FREM1: variants seen among roughly 807,000 people sequenced by gnomAD.
FREM1 encodes FRAS1-related extracellular matrix protein 1.
In FREM1, 220 loss-of-function variants were observed where a neutral mutation model predicts 210.1. The ratio of observed to expected loss-of-function variants is 1.05; its 90% CI spans 0.94 to 1.17. FREM1 has a LOEUF of 1.17. FREM1 is among the 50% of genes most tolerant of loss of function. FREM1 has a pLI of 0.00. For missense variants in FREM1, 3,454 were observed against 2,675.5 expected (o/e 1.29, Z -6.42); for synonymous variants, 1,189 against 980.2 (o/e 1.21, Z -3.98).
In FREM1 at chr9:14,812,865, T is replaced by A. The variant is rs751508744; in HGVS notation, c.2840A>T (p.Asp947Val). The A allele has an allele frequency of 1.2e-5, 20 of 1,613,686 alleles. No individual in the cohort carries two copies. Among genetic ancestry groups the A allele is most frequent in the Admixed American group, 1.7e-5 (1 of 59,978 alleles). ...GVVRRAGVTV[D>V]QFSQRDVISE... Reference sequence around the variant, plus strand: ...GATAACATCTCTCTGAGAGAACTGATCCACTGTGACTCCAGCTCTCCTCAC... The same window carrying A: ...GATAACATCTCTCTGAGAGAACTGAACCACTGTGACTCCAGCTCTCCTCAC... Residue 947 changes from aspartate (D) to valine (V), a missense_variant, in exon 16 of 37, where the codon GAT becomes GTT. By Grantham distance (152) the Asp-to-Val change is radical. Coordinates refer to ENST00000380880, the MANE Select transcript of FREM1 (RefSeq NM_001379081.2).
At chr9:14,897,508 T>A (rs952142430) in intron 1 of FREM1, among the ~76,000 whole-genome samples, 7 of 151,834 alleles carry the variant, frequency 4.6e-5, no homozygotes, top group African/African-American at 1.7e-4. Context: ...TAAAGCATAG[T>A]ATCATATACT....
chr9:14,815,032 T>G (rs1588140365), intron 15 of FREM1, among the ~76,000 whole-genome samples: 1 of 152,220 alleles, frequency 6.6e-6, no homozygotes, highest in East Asian at 1.9e-4. Context: ...CTGTCCTTTT[T>G]GAAGCTGCAA....
intron 3 of FREM1, among the ~76,000 whole-genome samples, chr9:14,862,995 G>C (rs1394235223): frequency 6.6e-6 from 1 of 152,066 alleles, no homozygotes; most frequent in Non-Finnish European, 1.5e-5. Flanking sequence ...ATGCGTAGGA[G>C]AAGAACTGCT....
intron 25 of FREM1, chr9:14,773,948 T>C: frequency 2.5e-6 from 1 of 395,736 alleles, no homozygotes; most frequent in Non-Finnish European, 4.9e-6. Flanking sequence ...CAACCTAGGT[T>C]AGGGGAGTTA....
At chr9:14,835,162 T>G (rs1266675100) in intron 10 of FREM1, among the ~76,000 whole-genome samples, 1 of 152,240 alleles carries the variant, frequency 6.6e-6, no homozygotes, top group Non-Finnish European at 1.5e-5. Flanking sequence ...AGCAAACTTT[T>G]TAACTTTCGC....
intron 29 of FREM1, 71 bp from the exon 30 acceptor site, chr9:14,750,347 T>G: frequency 8.2e-7 from 1 of 1,225,654 alleles, no homozygotes; most frequent in Non-Finnish European, 1.2e-6. Context: ...AGAAATATAT[T>G]AATTAACATG....
chr9:14,887,731 C>T (rs1375877285), intron 1 of FREM1, among the ~76,000 whole-genome samples: 1 of 152,138 alleles, frequency 6.6e-6, no homozygotes, highest in Non-Finnish European at 1.5e-5. Flanking sequence ...TATACAGAAG[C>T]ACTGGGCTAC....
chr9:14,811,083 G>C (rs1819311860), intron 16 of FREM1, among the ~76,000 whole-genome samples: 1 of 152,154 alleles, frequency 6.6e-6, no homozygotes, highest in African/African-American at 2.4e-5. Flanking sequence ...TCAGCCCAGG[G>C]CTGGGTAACT....
intron 8 of FREM1, among the ~76,000 whole-genome samples, chr9:14,845,639 T>C (rs1564062199): frequency 6.6e-6 from 1 of 152,036 alleles, no homozygotes; most frequent in Non-Finnish European, 1.5e-5. Context: ...AGCAGAGAAA[T>C]AAAAAACATT....
At chr9:14,825,556 T>TATAG (rs1822265149) in intron 10 of FREM1, among the ~76,000 whole-genome samples, 1 of 140,290 alleles carries the variant, frequency 7.1e-6, no homozygotes, top group Non-Finnish European at 1.5e-5. Context: ...TGTATATATA[T>TATAG]ATATATATAT....
At chr9:14,905,916 G>A (rs1355187812) in intron 1 of FREM1, among the ~76,000 whole-genome samples, 1 of 149,304 alleles carries the variant, frequency 6.7e-6, no homozygotes, top group African/African-American at 2.5e-5. Context: ...AAAAAAAAAA[G>A]AATAAAGTGA....
chr9:14,802,104 A>C (rs1283421642), intron 19 of FREM1, among the ~76,000 whole-genome samples: 1 of 152,196 alleles, frequency 6.6e-6, no homozygotes, highest in Non-Finnish European at 1.5e-5. Flanking sequence ...CACTTTATTC[A>C]TTTCCATGAA....
chr9:14,795,640 C>T (rs1471100613), intron 21 of FREM1, among the ~76,000 whole-genome samples: 1 of 152,142 alleles, frequency 6.6e-6, no homozygotes, highest in Non-Finnish European at 1.5e-5. Flanking sequence ...TGTAGCTATT[C>T]CAGTGAGTTT....
At chr9:14,896,751 G>T (rs1025745002) in intron 1 of FREM1, among the ~76,000 whole-genome samples, 2 of 152,118 alleles carry the variant, frequency 1.3e-5, no homozygotes, top group South Asian at 4.1e-4. Context: ...TATTCGCTGT[G>T]ATAGCATAGG....
chr9:14,892,848 T>C (rs772635600), intron 1 of FREM1, among the ~76,000 whole-genome samples: 1 of 152,158 alleles, frequency 6.6e-6, no homozygotes, highest in African/African-American at 2.4e-5. Context: ...TCTCTCTCCT[T>C]TCCTTTTCCC....
Position 14,769,825 on chromosome 9 carries a change from A to G in FREM1, c.5103T>C (p.Ser1701=). 8 of 1,603,006 alleles carry G rather than the reference A, an allele frequency of 5.0e-6. No homozygotes were observed. Among genetic ancestry groups the G allele is most frequent in the Non-Finnish European group, 6.8e-6 (8 of 1,172,902 alleles). Residue 1701 remains serine (S), a synonymous_variant, in exon 27 of 37, where the codon AGT becomes AGC. Transcript: ENST00000380880. The part of the protein sequence containing the change: ...HEKFSQKDLN[S]KTILYIINPS... ...GGTTTATGATGTAAAGAATAGTCTTACTGTTTAAGTCCTTTTGGCTAAATT... is the reference window on the plus strand; with the variant it reads ...GGTTTATGATGTAAAGAATAGTCTTGCTGTTTAAGTCCTTTTGGCTAAATT...
At chr9:14,806,411 A>G (rs1818374703) in intron 18 of FREM1, among the ~76,000 whole-genome samples, 1 of 152,112 alleles carries the variant, frequency 6.6e-6, no homozygotes, top group African/African-American at 2.4e-5. Context: ...ATATGCCACC[A>G]CACCTGGCTA....
At chr9:14,859,107 A>G (rs1015485903) in intron 4 of FREM1, 76 bp downstream of exon 4, 12 of 1,215,298 alleles carry the variant, frequency 9.9e-6, no homozygotes, top group Non-Finnish European at 1.2e-5. Context: ...ACTCTTCATC[A>G]TGGTGGAAGG....
chr9:14,888,180 A>G (rs944307985), intron 1 of FREM1, among the ~76,000 whole-genome samples: 1 of 152,182 alleles, frequency 6.6e-6, no homozygotes, highest in African/African-American at 2.4e-5. Flanking sequence ...AATCCCTACT[A>G]TGGTTTTAGG....
Sources: allele counts gnomAD v4.1 joint callset (sites outside exome capture counted in the v4.1 genomes callset), GRCh38; gene constraint gnomAD v4.1.1; transcripts MANE v1.5; gene names NCBI Gene and HGNC (gene_info 2026-07-23, HGNC 2026-07-21).